Variants in MLLT10 observed in about 807,000 individuals in gnomAD.
The protein encoded by MLLT10 is protein AF-10.
MLLT10 carries 30 observed loss-of-function variants against 129.1 expected under a neutral mutation model. The ratio of observed to expected loss-of-function variants is 0.23; its 90% CI spans 0.17 to 0.32. The LOEUF is 0.32. Among genes scored for constraint, MLLT10 ranks in the 10% least tolerant of loss-of-function variants. MLLT10 has a pLI of 1.00. For missense variants in MLLT10, 1,119 were observed against 1,268.3 expected (o/e 0.88, Z 1.79); for synonymous variants, 490 against 446.4 (o/e 1.10, Z -1.23).
At chr10:21,738,199 G>T (rs1210246932) in intron 21 of MLLT10, among the ~76,000 whole-genome samples, 2 of 151,884 alleles carry the variant, frequency 1.3e-5, no homozygotes, top group Non-Finnish European at 2.9e-5. Context: ...ACCAGGAGGT[G>T]TAGGTTGCAG....
At chr10:21,622,366 C>G (rs2045969716) in intron 8 of MLLT10, among the ~76,000 whole-genome samples, 1 of 150,310 alleles carries the variant, frequency 6.7e-6, no homozygotes, top group Admixed American at 6.6e-5. Context: ...CGAGGTCTCC[C>G]TATGTTGCCT....
At chr10:21,588,143 T>C (rs1456766236) in intron 4 of MLLT10, among the ~76,000 whole-genome samples, 1 of 152,158 alleles carries the variant, frequency 6.6e-6, no homozygotes, top group African/African-American at 2.4e-5. Context: ...CTCAGCTCAC[T>C]GCAACCTCCA....
chr10:21,723,065 G>C (rs2057243814), intron 14 of MLLT10, among the ~76,000 whole-genome samples: 1 of 152,086 alleles, frequency 6.6e-6, no homozygotes. Flanking sequence ...TGGGAAATTG[G>C]TCATTTCCAA....
chr10:21,662,410 C>G (rs111744573), intron 9 of MLLT10, among the ~76,000 whole-genome samples: 634 of 151,800 alleles, frequency 4.2e-3, no homozygotes, highest in Non-Finnish European at 7.2e-3. Context: ...GTTTTCCAGT[C>G]TTTTTTCTCT....
chr10:21,604,177 A>T (rs1405240574), intron 5 of MLLT10, among the ~76,000 whole-genome samples: 1 of 152,184 alleles, frequency 6.6e-6, no homozygotes, highest in Non-Finnish European at 1.5e-5. Context: ...ATCCATTTTG[A>T]TGTAAACTCT....
intron 8 of MLLT10, among the ~76,000 whole-genome samples, chr10:21,646,890 C>T (rs1670723591): frequency 6.8e-6 from 1 of 147,686 alleles, no homozygotes; most frequent in South Asian, 2.1e-4. Flanking sequence ...GAGTCTCGCT[C>T]TGTCGCCCAG....
intron 5 of MLLT10, chr10:21,595,703 AT>A (rs1204086435): frequency 3.3e-6 from 1 of 306,476 alleles, no homozygotes; most frequent in Non-Finnish European, 6.0e-6. Flanking sequence ...ATCCTTACAG[AT>A]TGGTGCTTTA....
chr10:21,686,127 G>A (rs2053266615), intron 13 of MLLT10, among the ~76,000 whole-genome samples: 1 of 152,094 alleles, frequency 6.6e-6, no homozygotes, highest in Admixed American at 6.5e-5. Context: ...AAGTGAAATA[G>A]CGAAATTAAA....
At chr10:21,586,216 T>G in intron 3 of MLLT10, 78 bp from the exon 4 acceptor site, 2 of 1,129,364 alleles carry the variant, frequency 1.8e-6, no homozygotes, top group Non-Finnish European at 1.3e-6. Flanking sequence ...TTTTCAGTAG[T>G]TTTGACGTTG....
At chr10:21,615,465 A>AG (rs1357037154) in intron 7 of MLLT10, among the ~76,000 whole-genome samples, 1 of 133,738 alleles carries the variant, frequency 7.5e-6, no homozygotes. Flanking sequence ...CTCAAAAAAA[A>AG]AAAAAAAAAG....
At position 21,664,944 on chromosome 10, in the gene MLLT10, C is replaced by CTT. The variant is rs146373535; in HGVS notation, c.796-5487_796-5486dup. On this transcript the variant is annotated intron_variant, in intron 9 of 22. Coordinates refer to ENST00000307729, the MANE Select transcript of MLLT10 (RefSeq NM_001195626.3). ...TTAAAATAGGCTTCTTTTTTCTTTT[C>CTT]TTTTTTTTTTTTTTTTTTTGAGATA... 5.6e-3 allele frequency among the ~76,000 whole-genome samples: 670 copies of CTT among 119,376 alleles called. 8 individuals are homozygous for CTT. Among genetic ancestry groups the CTT allele is most frequent in the Non-Finnish European group, 7.5e-3 (436 of 58,336 alleles). The allele number at this position is 119,376 out of a possible 152,430, so 78.3% of individuals were successfully genotyped here. A position where few individuals can be genotyped will look rare whatever the true frequency, so the allele number is the denominator to read the frequency against.
At chr10:21,661,127 G>C (rs2050155859) in intron 9 of MLLT10, among the ~76,000 whole-genome samples, 1 of 152,014 alleles carries the variant, frequency 6.6e-6, no homozygotes, top group South Asian at 2.1e-4. Flanking sequence ...TTGATTTCTG[G>C]TTTAATTTCA....
intron 14 of MLLT10, among the ~76,000 whole-genome samples, chr10:21,714,197 A>G (rs1254657127): frequency 6.6e-6 from 1 of 152,162 alleles, no homozygotes; most frequent in Non-Finnish European, 1.5e-5. Flanking sequence ...TCTGAATGAT[A>G]TAAAATATAC....
chr10:21,588,221 C>T (rs1236004605), intron 4 of MLLT10, among the ~76,000 whole-genome samples: 1 of 152,102 alleles, frequency 6.6e-6, no homozygotes, highest in African/African-American at 2.4e-5. Flanking sequence ...TATGTGCCAC[C>T]ACGCCCGGCT....
chr10:21,560,549 ACCT>A (rs1475422794), intron 3 of MLLT10, among the ~76,000 whole-genome samples: 64 of 152,072 alleles, frequency 4.2e-4, no homozygotes, highest in Admixed American at 1.8e-3. Context: ...CAGTTGTCTC[ACCT>A]AGACTCCTGT....
chr10:21,557,212 C>T (rs2038147372), intron 3 of MLLT10: 1 of 1,209,968 alleles, frequency 8.3e-7, no homozygotes, highest in Non-Finnish European at 1.0e-6. Flanking sequence ...TATTTTTCCC[C>T]TTGTGCTTAA....
chr10:21,541,277 G>A (rs1332084558), intron 3 of MLLT10: 3 of 152,154 alleles, frequency 2.0e-5, no homozygotes, highest in Non-Finnish European at 2.9e-5. Flanking sequence ...GAGTGGAGTG[G>A]CGCAATCATT....
chr10:21,598,006 T>C (rs1174389366), intron 5 of MLLT10, among the ~76,000 whole-genome samples: 3 of 152,214 alleles, frequency 2.0e-5, no homozygotes, highest in East Asian at 1.9e-4. Flanking sequence ...GTACTTCATA[T>C]ATAAACATCT....
rs563858793 is a variant in MLLT10, at chr10:21,567,837, T to C, written c.241-18457T>C. 9.0e-3 allele frequency among the ~76,000 whole-genome samples: 1,363 copies of C among 151,104 alleles called. 19 individuals are homozygous for C. The highest frequency in any genetic ancestry group is 0.031 in the African/African-American group (1,286 of 41,230). On this transcript the variant is annotated intron_variant, in intron 3 of 22. Transcript: ENST00000307729. ...GGGCTTCTTCTTTTTTTTTTTTTTT[T>C]GAGACAGAGTCTCTCTCTGTCACCC...
Sources: allele counts gnomAD v4.1 joint callset (sites outside exome capture counted in the v4.1 genomes callset), GRCh38; gene constraint gnomAD v4.1.1; transcripts MANE v1.5; gene names NCBI Gene and HGNC (gene_info 2026-07-23, HGNC 2026-07-21).